Variants in EXOC4 observed in about 807,000 individuals in gnomAD.
EXOC4 encodes exocyst complex component 4.
Under a neutral mutation model 107.2 loss-of-function variants are expected in EXOC4, and 71 were observed. The observed-to-expected ratio is 0.66, with a 90% CI of 0.55 to 0.81. The LOEUF (loss-of-function observed/expected upper bound fraction) is 0.81, where lower values mean the gene tolerates loss of function less well. EXOC4 is among the 30% of genes least tolerant of loss of function. The pLI is 0.00. For missense variants in EXOC4, 1,108 were observed against 1,189.6 expected (o/e 0.93, Z 1.01); for synonymous variants, 456 against 441.2 (o/e 1.03, Z -0.42).
intron 17 of EXOC4, among the ~76,000 whole-genome samples, chr7:134,019,365 A>AC (rs1554436002): frequency 6.6e-6 from 1 of 151,384 alleles, no homozygotes; most frequent in Non-Finnish European, 1.5e-5. Context: ...AAGACATGTG[A>AC]TTTTTTTTTA....
intron 10 of EXOC4, among the ~76,000 whole-genome samples, chr7:133,655,613 A>G (rs1803273242): frequency 5.9e-5 from 9 of 152,186 alleles, no homozygotes; most frequent in Admixed American, 5.2e-4. Flanking sequence ...CCCACACATT[A>G]GCGTAGGCTT....
At chr7:133,618,334 G>A (rs1413547029) in intron 9 of EXOC4, among the ~76,000 whole-genome samples, 1 of 151,740 alleles carries the variant, frequency 6.6e-6, no homozygotes, top group Non-Finnish European at 1.5e-5. Context: ...ATTCTGTGAG[G>A]AACATCTTTG....
chr7:133,523,943 A>C (rs1300507461), intron 9 of EXOC4, among the ~76,000 whole-genome samples: 13 of 151,418 alleles, frequency 8.6e-5, no homozygotes, highest in South Asian at 6.3e-4. Flanking sequence ...ATTTATAGTC[A>C]TTTGGGTATA....
intron 6 of EXOC4, among the ~76,000 whole-genome samples, chr7:133,372,188 T>C (rs180891946): frequency 2.0e-5 from 3 of 152,380 alleles, no homozygotes. Flanking sequence ...CTTGATGATA[T>C]CATTTGAAGC....
At position 134,038,007 on chromosome 7, in the gene EXOC4, A is replaced by G. The variant is rs77488863; in HGVS notation, c.2688-26284A>G. 4.3e-3 allele frequency among the ~76,000 whole-genome samples: 649 copies of G among 152,336 alleles called. 4 individuals carry two copies. The highest frequency in any genetic ancestry group is 8.0e-3 in the Non-Finnish European group (542 of 68,026). The stretch of plus-strand genomic sequence containing the variant: ...AACAAGGTGCAAACATAGATAACTT[A>G]TCTTCCACTGTTTACCTTTAAAAGG... On this transcript the variant is annotated intron_variant, in intron 17 of 17. Transcript: ENST00000253861.
intron 3 of EXOC4, among the ~76,000 whole-genome samples, chr7:133,294,869 G>A (rs1223426102): frequency 6.6e-6 from 1 of 152,046 alleles, no homozygotes; most frequent in Non-Finnish European, 1.5e-5. Flanking sequence ...CTTAATTTGG[G>A]TTAGGTCGTC....
intron 10 of EXOC4, among the ~76,000 whole-genome samples, chr7:133,675,012 G>T (rs978597429): frequency 1.3e-5 from 2 of 152,216 alleles, no homozygotes; most frequent in Non-Finnish European, 2.9e-5. Flanking sequence ...CTTAGAAGGT[G>T]ATACAAAGTC....
intron 14 of EXOC4, among the ~76,000 whole-genome samples, chr7:133,971,357 T>TAGAGAGAGAGAGAGAGAGAGAGAGAGAG (rs1554429066): frequency 9.9e-6 from 1 of 100,552 alleles, no homozygotes; most frequent in African/African-American, 4.5e-5. Context: ...TATATATATA[T>TAGAGAGAGAGAGAGAGAGAGAGAGAGAG]ATATAGAGAG....
intron 11 of EXOC4, among the ~76,000 whole-genome samples, chr7:133,876,632 C>G (rs958731592): frequency 6.6e-6 from 1 of 152,000 alleles, no homozygotes; most frequent in African/African-American, 2.4e-5. Flanking sequence ...GGGCTTTAGT[C>G]AGATGCCTTA....
In EXOC4 at chr7:133,356,514, C is replaced by T. The variant is rs1796023598; in HGVS notation, c.948C>T (p.Thr316=). Residue 316 remains threonine, a synonymous_variant, in exon 6 of 18, where the codon ACC becomes ACT. Coordinates refer to ENST00000253861, the MANE Select transcript of EXOC4 (RefSeq NM_021807.4). ...AGCAAATTGTGAAGAGGTCTACAACCCAGGTGGCAGACAGTGGCTATCAGC... is the reference window on the plus strand; with the variant it reads ...AGCAAATTGTGAAGAGGTCTACAACTCAGGTGGCAGACAGTGGCTATCAGC... ...ELKQIVKRST[T]QVADSGYQRG... The T allele has an allele frequency of 5.0e-6, 8 of 1,614,018 alleles. No individual in the cohort carries two copies. The highest frequency in any genetic ancestry group is 6.8e-6 in the Non-Finnish European group (8 of 1,179,974).
At chr7:133,514,846 T>C (rs1799842647) in intron 9 of EXOC4, among the ~76,000 whole-genome samples, 1 of 152,202 alleles carries the variant, frequency 6.6e-6, no homozygotes, top group Non-Finnish European at 1.5e-5. Context: ...TGAATTATTT[T>C]TGATCCAGTA....
chr7:133,465,996 G>A (rs1403069555), intron 7 of EXOC4, among the ~76,000 whole-genome samples: 1 of 151,994 alleles, frequency 6.6e-6, no homozygotes. Flanking sequence ...AATTAGCTGG[G>A]CTTGGTGGTG....
intron 10 of EXOC4, among the ~76,000 whole-genome samples, chr7:133,704,587 C>T (rs916309560): frequency 6.6e-6 from 1 of 152,204 alleles, no homozygotes; most frequent in Non-Finnish European, 1.5e-5. Flanking sequence ...GTCTTAGCCC[C>T]ATCCTGGGGA....
intron 11 of EXOC4, among the ~76,000 whole-genome samples, chr7:133,857,726 T>TG (rs1239292096): frequency 1.3e-5 from 2 of 151,978 alleles, no homozygotes; most frequent in African/African-American, 2.4e-5. Flanking sequence ...CAGCTTCTCT[T>TG]GTGGGTGCCA....
At chr7:133,813,883 G>T (rs533519237) in intron 10 of EXOC4, among the ~76,000 whole-genome samples, 1 of 151,978 alleles carries the variant, frequency 6.6e-6, no homozygotes, top group South Asian at 2.1e-4. Context: ...TTAATAGAGC[G>T]TTTAACTGGT....
At chr7:133,938,276 T>C (rs1429881584) in intron 14 of EXOC4, among the ~76,000 whole-genome samples, 1 of 152,194 alleles carries the variant, frequency 6.6e-6, no homozygotes, top group Non-Finnish European at 1.5e-5. Context: ...GTGTGGAATG[T>C]GGGAATCCAG....
intron 17 of EXOC4, among the ~76,000 whole-genome samples, chr7:134,040,299 C>G (rs913474557): frequency 2.0e-5 from 3 of 152,200 alleles, no homozygotes; most frequent in Non-Finnish European, 4.4e-5. Context: ...TGCCTGATAA[C>G]TGTTCTTTCT....
intron 10 of EXOC4, among the ~76,000 whole-genome samples, chr7:133,805,494 T>A (rs1302378049): frequency 2.0e-5 from 3 of 152,210 alleles, no homozygotes; most frequent in African/African-American, 2.4e-5. Context: ...ACATGTTCCC[T>A]CTTTTCAAGA....
At chr7:133,506,422 G>A (rs890511942) in intron 9 of EXOC4, among the ~76,000 whole-genome samples, 2 of 152,086 alleles carry the variant, frequency 1.3e-5, no homozygotes, top group Middle Eastern at 3.2e-3. Flanking sequence ...AAGAAATTGG[G>A]TGATCAGAAT....
Sources: gnomAD v4.1 joint callset for allele counts (sites outside exome capture counted in the v4.1 genomes callset) on GRCh38, gnomAD v4.1.1 for gene constraint, MANE v1.5 for transcripts, NCBI Gene and HGNC (gene_info 2026-07-23, HGNC 2026-07-21) for gene names.